Variants in TTC23L observed in about 807,000 individuals in gnomAD.
The protein encoded by TTC23L is tetratricopeptide repeat domain 23 like.
TTC23L carries 42 observed loss-of-function variants against 48.1 expected under a neutral mutation model. That is an observed-to-expected ratio of 0.87 (90% CI 0.68 to 1.13). TTC23L has a LOEUF of 1.13. Ranked by LOEUF, TTC23L falls within the 50% of genes most tolerant of loss-of-function variation. The pLI, the probability that TTC23L is intolerant of heterozygous loss-of-function variation, is 0.00. For synonymous variants in TTC23L, 159 were observed against 157.2 expected (o/e 1.01, Z -0.09); for missense variants, 391 against 421.0 (o/e 0.93, Z 0.62).
chr5:34,841,954 C>T (rs1758718156), intron 2 of TTC23L, among the ~76,000 whole-genome samples: 1 of 152,186 alleles, frequency 6.6e-6, no homozygotes, highest in Non-Finnish European at 1.5e-5. Context: ...GGCCACCATC[C>T]ACTAGATGCC....
chr5:34,857,288 A>T (rs1760208253), intron 4 of TTC23L, among the ~76,000 whole-genome samples: 1 of 152,206 alleles, frequency 6.6e-6, no homozygotes, highest in African/African-American at 2.4e-5. Flanking sequence ...TAACGTGGAC[A>T]AGCAGTTTTC....
rs1760819662 is a variant in TTC23L at position 34,863,361 on chromosome 5, T to A, written c.536+307T>A. Among the ~76,000 whole-genome samples the A allele has an allele frequency of 6.6e-6, 1 of 150,828 alleles. No individual in the cohort carries two copies. The highest frequency in any genetic ancestry group is 6.6e-5 in the Admixed American group (1 of 15,162). ...CACCCAAGAAAATCAGTGTTAGCAA[T>A]GAGGATGAGGGTGGTGGTGGTGGTG... On this transcript the variant is annotated intron_variant, in intron 5 of 10. Transcript: ENST00000505624. The surrounding 1 kb of genome is among the most constrained non-coding windows in gnomAD (Gnocchi z 4.1).
At chr5:34,846,659 ATGTGTGTATGTGTGTGTGTGTG>A (rs1419697467) in intron 3 of TTC23L, among the ~76,000 whole-genome samples, 4 of 69,158 alleles carry the variant, frequency 5.8e-5, no homozygotes, top group African/African-American at 1.6e-4. Context: ...AAATACATAT[ATGTGTGTATGTGTGTGTGTGTG>A]TGTGTGTGTG....
chr5:34,891,465 C>T (rs1241488898), intron 9 of TTC23L, among the ~76,000 whole-genome samples: 1 of 152,150 alleles, frequency 6.6e-6, no homozygotes, highest in Non-Finnish European at 1.5e-5. Context: ...AATAAGTGTT[C>T]GTAAAACACC....
intron 4 of TTC23L, among the ~76,000 whole-genome samples, chr5:34,851,180 C>T (rs1759647635): frequency 6.6e-6 from 1 of 152,122 alleles, no homozygotes; most frequent in Admixed American, 6.5e-5. Context: ...AGCCACTGGC[C>T]TAGGGGTTGT....
intron 4 of TTC23L, among the ~76,000 whole-genome samples, chr5:34,858,160 G>T (rs1760278114): frequency 6.6e-6 from 1 of 152,168 alleles, no homozygotes; most frequent in South Asian, 2.1e-4. Flanking sequence ...CTGCCCCTCT[G>T]CCTTGTACCT....
chr5:34,880,536 A>T (rs1399192287), intron 9 of TTC23L: 1 of 503,444 alleles, frequency 2.0e-6, no homozygotes, highest in Non-Finnish European at 3.5e-6. Flanking sequence ...TTTAGTTTGT[A>T]CTTGGAAACT....
chr5:34,879,036 T>A (rs1762044243), intron 8 of TTC23L, among the ~76,000 whole-genome samples: 1 of 152,176 alleles, frequency 6.6e-6, no homozygotes, highest in African/African-American at 2.4e-5. Context: ...AAATCATGTC[T>A]TTTGCAGCAA....
chr5:34,915,004 G>T, the TTC23L span: 2 of 1,214,574 alleles, frequency 1.6e-6, no homozygotes, highest in South Asian at 1.4e-5. Context: ...TGCTGGCGAG[G>T]TCCGGCGAGC....
chr5:34,858,902 C>T (rs891499942), intron 4 of TTC23L, among the ~76,000 whole-genome samples: 6 of 152,136 alleles, frequency 3.9e-5, no homozygotes, highest in African/African-American at 1.4e-4. Context: ...CATCAGAAGG[C>T]CCACAATGTG....
chr5:34,839,573 T>G, intron 1 of TTC23L: 1 of 925,700 alleles, frequency 1.1e-6, no homozygotes, highest in Non-Finnish European at 1.3e-6. Flanking sequence ...GCTGTGGGCA[T>G]AGTGTTTAAA....
At chr5:34,913,532 AAAG>A in the TTC23L span, 1 of 1,605,470 alleles carries the variant, frequency 6.2e-7, no homozygotes. Flanking sequence ...ATTAATTCGA[AAAG>A]TAACAGACTC....
intron 4 of TTC23L, among the ~76,000 whole-genome samples, chr5:34,858,042 T>G (rs1340997704): frequency 1.3e-5 from 2 of 152,180 alleles, no homozygotes; most frequent in Admixed American, 6.5e-5. Context: ...CAACCCAAAC[T>G]AAAGCAAAAT....
intron 10 of TTC23L, among the ~76,000 whole-genome samples, chr5:34,898,399 G>C (rs1763360759): frequency 1.3e-5 from 2 of 152,164 alleles, no homozygotes; most frequent in South Asian, 4.1e-4. Flanking sequence ...TAAACTCAAA[G>C]ATAATATATA....
chr5:34,880,086 A>T (rs1280716770), intron 8 of TTC23L, 95 bp from the exon 9 acceptor site: 2 of 1,444,644 alleles, frequency 1.4e-6, no homozygotes, highest in Non-Finnish European at 1.9e-6. Flanking sequence ...ACAAGCATGG[A>T]CTTTAAGCAT....
At chr5:34,898,235 G>C (rs376685285) in intron 10 of TTC23L, among the ~76,000 whole-genome samples, 5 of 152,260 alleles carry the variant, frequency 3.3e-5, no homozygotes, top group African/African-American at 1.2e-4. Context: ...ACTGTTGCAC[G>C]AAGCAAACGG....
chr5:34,889,407 A>C (rs1024404622), intron 9 of TTC23L, among the ~76,000 whole-genome samples: 11 of 152,164 alleles, frequency 7.2e-5, no homozygotes, highest in Non-Finnish European at 1.5e-4. Context: ...AGGACCCTGA[A>C]TGTGTTCACC....
At chr5:34,868,973 G>A (rs1309760626) in exon 8 of TTC23L, 1 of 1,610,736 alleles carries the variant, frequency 6.2e-7, no homozygotes, top group East Asian at 2.2e-5. Context: ...GTGCGTTACT[G>A]GCCAAAGCTT....
the TTC23L span, chr5:34,924,742 T>C: frequency 1.5e-6 from 1 of 669,314 alleles, no homozygotes. Flanking sequence ...CTTGATTTTA[T>C]GGATTATCAA....
Sources: allele counts gnomAD v4.1 joint callset (sites outside exome capture counted in the v4.1 genomes callset), GRCh38; gene constraint gnomAD v4.1.1; non-coding constraint Gnocchi (gnomAD v3.1); transcripts MANE v1.5; gene names NCBI Gene and HGNC (gene_info 2026-07-23, HGNC 2026-07-21).